Variants in EYA1 observed in about 807,000 individuals in gnomAD.
The protein encoded by EYA1 is EYA transcriptional coactivator and phosphatase 1.
In EYA1, 16 loss-of-function variants were observed where a neutral mutation model predicts 82.0. That is an observed-to-expected ratio of 0.20 (90% CI 0.13 to 0.30). EYA1 has a LOEUF of 0.30. Among genes scored for constraint, EYA1 ranks in the 10% least tolerant of loss-of-function variants. The pLI is 1.00. For missense variants in EYA1, 633 were observed against 730.7 expected, an observed-to-expected ratio of 0.87 and a Z score of 1.54; for synonymous variants, 261 against 264.4, an observed-to-expected ratio of 0.99 and a Z score of 0.12.
intron 11 of EYA1, among the ~76,000 whole-genome samples, chr8:71,250,345 A>G (rs1813600154): frequency 6.6e-6 from 1 of 152,182 alleles, no homozygotes; most frequent in African/African-American, 2.4e-5. Flanking sequence ...CCGTGGTCTC[A>G]GATGGAGCCT....
intron 2 of EYA1, among the ~76,000 whole-genome samples, chr8:71,441,148 G>A (rs1806407004): frequency 2.6e-5 from 4 of 152,082 alleles, no homozygotes; most frequent in Admixed American, 6.5e-5. Context: ...TCATAAACAG[G>A]AGATTTCATA....
chr8:71,344,212 T>C (rs1157494463), intron 3 of EYA1, among the ~76,000 whole-genome samples: 2 of 152,304 alleles, frequency 1.3e-5, no homozygotes, highest in East Asian at 3.9e-4. Context: ...ATACATATTA[T>C]ATTCAGAAAA....
chr8:71,269,903 T>G (rs1816310680), intron 10 of EYA1, 80 bp from the exon 11 acceptor site: 2 of 1,061,528 alleles, frequency 1.9e-6, no homozygotes, highest in Non-Finnish European at 2.9e-6. Context: ...CACGAAAAAG[T>G]CATCTTGAAA....
intron 2 of EYA1, chr8:71,448,948 C>T (rs1229642632): frequency 6.1e-6 from 1 of 165,228 alleles, no homozygotes; most frequent in Non-Finnish European, 1.5e-5. Flanking sequence ...GTTCTTTATT[C>T]TATCTTCTTG....
chr8:71,225,436 G>A, intron 12 of EYA1: 4 of 354,770 alleles, frequency 1.1e-5, no homozygotes, highest in Admixed American at 3.6e-5. Flanking sequence ...ATGCTTCCTT[G>A]CAGAAAAAGA....
At chr8:71,525,002 A>T (rs897129305) in intron 2 of EYA1, among the ~76,000 whole-genome samples, 1 of 152,196 alleles carries the variant, frequency 6.6e-6, no homozygotes, top group Non-Finnish European at 1.5e-5. Context: ...TAGAGTTTGT[A>T]TGTTACTACA....
chr8:71,207,993 A>G (rs1585768766), intron 17 of EYA1, among the ~76,000 whole-genome samples: 1 of 152,200 alleles, frequency 6.6e-6, no homozygotes, highest in African/African-American at 2.4e-5. Context: ...CCAACATTCT[A>G]TGTGTATTAA....
chr8:71,462,091 C>T (rs1260843218), intron 2 of EYA1, among the ~76,000 whole-genome samples: 1 of 152,084 alleles, frequency 6.6e-6, no homozygotes, highest in Non-Finnish European at 1.5e-5. Context: ...AGCCCTCAGC[C>T]TTCAGGCCCT....
intron 12 of EYA1, among the ~76,000 whole-genome samples, chr8:71,230,975 C>G (rs1240261130): frequency 6.6e-6 from 1 of 152,234 alleles, no homozygotes; most frequent in Non-Finnish European, 1.5e-5. Context: ...CTGGACTCCA[C>G]TTGTGTGTCC....
intron 2 of EYA1, among the ~76,000 whole-genome samples, chr8:71,379,285 AT>A (rs1828557177): frequency 6.6e-6 from 1 of 152,072 alleles, no homozygotes; most frequent in Non-Finnish European, 1.5e-5. Context: ...TTTCATAGTG[AT>A]TTAGCTGGAT....
intron 9 of EYA1, among the ~76,000 whole-genome samples, chr8:71,288,143 A>C (rs1818592459): frequency 6.6e-6 from 1 of 152,240 alleles, no homozygotes; most frequent in South Asian, 2.1e-4. Context: ...GCACAGGTGG[A>C]AAGTGGTACC....
chr8:71,199,570 A>G, intron 17 of EYA1, 150 bp from the exon 18 acceptor site: 1 of 674,520 alleles, frequency 1.5e-6, no homozygotes. Flanking sequence ...TTAAAACAAA[A>G]ATTCAAACTC....
At chr8:71,321,678 G>T (rs1407026720) in intron 6 of EYA1, 56 bp downstream of exon 6, 2 of 1,594,862 alleles carry the variant, frequency 1.3e-6, no homozygotes, top group African/African-American at 1.3e-5. Flanking sequence ...ACTCAAACAT[G>T]TTAATACACG....
At chr8:71,408,976 A>C (rs1830436888) in intron 2 of EYA1, among the ~76,000 whole-genome samples, 2 of 120,152 alleles carry the variant, frequency 1.7e-5, no homozygotes, top group Admixed American at 8.6e-5. Context: ...CTTGGAAGTA[A>C]AGCTCTCCTC....
At chr8:71,424,866 C>G (rs1328013556) in intron 2 of EYA1, among the ~76,000 whole-genome samples, 1 of 151,962 alleles carries the variant, frequency 6.6e-6, no homozygotes, top group Non-Finnish European at 1.5e-5. Context: ...CATCAGGCTC[C>G]TAGTAAGAAT....
intron 2 of EYA1, among the ~76,000 whole-genome samples, chr8:71,397,150 T>C (rs954052780): frequency 1.3e-5 from 2 of 152,106 alleles, no homozygotes; most frequent in Non-Finnish European, 2.9e-5. Context: ...GGTAGATCTT[T>C]CTCCATCCCT....
At chr8:71,278,875 T>C (rs1252264852) in intron 9 of EYA1, among the ~76,000 whole-genome samples, 1 of 152,174 alleles carries the variant, frequency 6.6e-6, no homozygotes. Context: ...AATACACAAT[T>C]CCTGCAGGCT....
At chr8:71,340,090 C>A (rs1586449864) in intron 3 of EYA1, among the ~76,000 whole-genome samples, 3 of 152,192 alleles carry the variant, frequency 2.0e-5, no homozygotes, top group Non-Finnish European at 4.4e-5. Flanking sequence ...TCTACTCTCC[C>A]TGCTTTGGAA....
chr8:71,387,933 T>C (rs1829056537), intron 2 of EYA1, among the ~76,000 whole-genome samples: 1 of 152,020 alleles, frequency 6.6e-6, no homozygotes, highest in African/African-American at 2.4e-5. Flanking sequence ...TTAGGAATCA[T>C]CAGCAAAGTA....
Sources: gnomAD v4.1 joint callset for allele counts (sites outside exome capture counted in the v4.1 genomes callset) on GRCh38, gnomAD v4.1.1 for gene constraint, MANE v1.5 for transcripts, NCBI Gene and HGNC (gene_info 2026-07-23, HGNC 2026-07-21) for gene names.